XKR4: variants seen among roughly 807,000 people sequenced by gnomAD.
XKR4 encodes XK-related protein 4.
XKR4 carries 12 observed loss-of-function variants against 53.9 expected under a neutral mutation model. The ratio of observed to expected loss-of-function variants is 0.22; its 90% CI spans 0.14 to 0.36. XKR4 has a LOEUF of 0.36. Ranked by LOEUF, XKR4 falls within the 10% of genes least tolerant of loss-of-function variation. The pLI is 1.00. For missense variants in XKR4, 799 were observed against 859.5 expected (o/e 0.93, Z 0.88); for synonymous variants, 354 against 362.4 (o/e 0.98, Z 0.26).
intron 2 of XKR4, among the ~76,000 whole-genome samples, chr8:55,414,108 T>C (rs1408728859): frequency 6.6e-6 from 1 of 152,218 alleles, no homozygotes; most frequent in African/African-American, 2.4e-5. Context: ...CTGTGTCTTC[T>C]ACAGTAAGAA....
At chr8:55,290,216 G>A (rs1275993698) in intron 1 of XKR4, among the ~76,000 whole-genome samples, 1 of 149,658 alleles carries the variant, frequency 6.7e-6, no homozygotes, top group East Asian at 2.0e-4. Flanking sequence ...TGCAACCTCT[G>A]CTTCCCGGGT....
At chr8:55,164,176 G>GCACA (rs1377825465) in intron 1 of XKR4, 1 of 456,524 alleles carries the variant, frequency 2.2e-6, no homozygotes, top group Non-Finnish European at 4.4e-6. Flanking sequence ...GCCTGGCCCA[G>GCACA]CACACAGGTT....
At chr8:55,360,164 T>A (rs1803879291) in intron 2 of XKR4, among the ~76,000 whole-genome samples, 1 of 152,222 alleles carries the variant, frequency 6.6e-6, no homozygotes, top group Non-Finnish European at 1.5e-5. Context: ...TTGCTACTGA[T>A]TTTTTAACAA....
At chr8:55,268,249 C>T (rs748411242) in intron 1 of XKR4, among the ~76,000 whole-genome samples, 11 of 152,062 alleles carry the variant, frequency 7.2e-5, no homozygotes, top group East Asian at 3.9e-4. Context: ...ATTTTCATTT[C>T]GAGAAAGGGA....
At chr8:55,367,518 A>G (rs1804008817) in intron 2 of XKR4, among the ~76,000 whole-genome samples, 1 of 152,208 alleles carries the variant, frequency 6.6e-6, no homozygotes, top group Non-Finnish European at 1.5e-5. Flanking sequence ...CATGGGGTAC[A>G]GACAGACACA....
At chr8:55,118,515 G>A (rs1202705459) in intron 1 of XKR4, among the ~76,000 whole-genome samples, 1 of 152,132 alleles carries the variant, frequency 6.6e-6, no homozygotes, top group Non-Finnish European at 1.5e-5. Flanking sequence ...CTATCTCAGA[G>A]GACCAACTCT....
rs188794819 is a variant in XKR4, at chr8:55,466,809, C to G, written c.1007-56472C>G. On this transcript the variant is annotated intron_variant, in intron 2 of 2. Coordinates refer to ENST00000327381, the MANE Select transcript of XKR4 (RefSeq NM_052898.2). ...TCTGGTCTTTTATCAGTAAGTGATT[C>G]TAAAATAAACATCCTTATACATTTA... Among the ~76,000 whole-genome samples the G allele has an allele frequency of 5.5e-4, 83 of 152,156 alleles. 1 individual carries two copies. Among genetic ancestry groups the G allele is most frequent in the Admixed American group, 1.9e-3 (29 of 15,284 alleles).
chr8:55,316,737 G>A (rs1051824054), intron 1 of XKR4, among the ~76,000 whole-genome samples: 9 of 151,932 alleles, frequency 5.9e-5, no homozygotes, highest in South Asian at 2.1e-4. Flanking sequence ...TCCTTCCTCC[G>A]ATCCACTCCA....
intron 1 of XKR4, chr8:55,164,189 C>T (rs1237985459): frequency 8.8e-6 from 4 of 456,554 alleles, no homozygotes. Flanking sequence ...CACAGGTTGC[C>T]TCGTCCGCCG....
chr8:55,426,373 G>GCT lies in XKR4; in HGVS notation c.1006+68511_1006+68512dup, dbSNP rs138919134. On this transcript the variant is annotated intron_variant, in intron 2 of 2. Transcript: ENST00000327381. ...TAAAACTCATGGCATGCTCACTTGC[G>GCT]CTCTCTCTCTCTCTCTGTCACACAT... Among the ~76,000 whole-genome samples, 341 of 149,322 alleles carry GCT rather than the reference G, an allele frequency of 2.3e-3. 2 individuals are homozygous for GCT. Among genetic ancestry groups the GCT allele is most frequent in the South Asian group, 0.015 (71 of 4,712 alleles).
At chr8:55,111,128 G>C (rs1283561968) in intron 1 of XKR4, among the ~76,000 whole-genome samples, 1 of 152,032 alleles carries the variant, frequency 6.6e-6, no homozygotes, top group African/African-American at 2.4e-5. Context: ...GAAATGATTT[G>C]GTCTCCAATA....
intron 1 of XKR4, among the ~76,000 whole-genome samples, chr8:55,292,004 C>A (rs938485595): frequency 2.6e-5 from 4 of 152,060 alleles, no homozygotes; most frequent in Non-Finnish European, 5.9e-5. Context: ...AATATTGAAA[C>A]AAACTTGCAT....
intron 2 of XKR4, among the ~76,000 whole-genome samples, chr8:55,378,892 T>C (rs1804189698): frequency 6.6e-6 from 1 of 152,246 alleles, no homozygotes; most frequent in African/African-American, 2.4e-5. Context: ...GCCAACTCTA[T>C]GTATATCACA....
chr8:55,329,615 C>A (rs1803353799), intron 1 of XKR4, among the ~76,000 whole-genome samples: 1 of 152,158 alleles, frequency 6.6e-6, no homozygotes, highest in Admixed American at 6.5e-5. Context: ...ATTCTAAATA[C>A]CTAGTTCTTG....
At chr8:55,253,735 T>TTC (rs200553659) in intron 1 of XKR4, among the ~76,000 whole-genome samples, 176 of 129,932 alleles carry the variant, frequency 1.4e-3, no homozygotes, top group East Asian at 3.6e-3. Context: ...TCTTTTCTTT[T>TTC]TTTTTTTTTT....
At chr8:55,497,599 C>A (rs1806370559) in intron 2 of XKR4, among the ~76,000 whole-genome samples, 1 of 152,216 alleles carries the variant, frequency 6.6e-6, no homozygotes, top group Non-Finnish European at 1.5e-5. Flanking sequence ...TCAGGCAAGA[C>A]CTTTGGCATC....
chr8:55,380,143 T>C (rs1296711044), intron 2 of XKR4, among the ~76,000 whole-genome samples: 2 of 152,234 alleles, frequency 1.3e-5, no homozygotes, highest in African/African-American at 2.4e-5. Context: ...GATGAGAGAC[T>C]GACTTGAGAA....
chr8:55,455,865 G>A (rs999462700), intron 2 of XKR4, among the ~76,000 whole-genome samples: 4 of 152,188 alleles, frequency 2.6e-5, no homozygotes, highest in African/African-American at 7.2e-5. Context: ...AGGTGCTTGA[G>A]AAAAATCTGG....
chr8:55,289,654 G>GAA (rs1343273638), intron 1 of XKR4, among the ~76,000 whole-genome samples: 1 of 82,218 alleles, frequency 1.2e-5, no homozygotes, highest in Non-Finnish European at 2.5e-5. Flanking sequence ...AGAAAGGAAG[G>GAA]AAGGAAAAGA....
Sources: allele counts gnomAD v4.1 joint callset (sites outside exome capture counted in the v4.1 genomes callset), GRCh38; gene constraint gnomAD v4.1.1; transcripts MANE v1.5; gene names NCBI Gene and HGNC (gene_info 2026-07-23, HGNC 2026-07-21).